Variants in ITFG1 observed in about 807,000 individuals in gnomAD.
The protein encoded by ITFG1 is T-cell immunomodulatory protein.
In ITFG1, 34 loss-of-function variants were observed where a neutral mutation model predicts 81.8. The ratio of observed to expected loss-of-function variants is 0.42; its 90% confidence interval spans 0.32 to 0.55. The LOEUF (loss-of-function observed/expected upper bound fraction) is 0.55, where lower values mean the gene tolerates loss of function less well. ITFG1 is among the 20% of genes least tolerant of loss of function. The pLI is 0.17. For synonymous variants in ITFG1, 285 were observed against 270.6 expected, an observed-to-expected ratio of 1.05 and a Z score of -0.52; for missense variants, 672 against 755.4, an observed-to-expected ratio of 0.89 and a Z score of 1.29.
intron 10 of ITFG1, among the ~76,000 whole-genome samples, chr16:47,287,256 CTTAAA>C (rs1483254911): frequency 6.6e-6 from 1 of 151,958 alleles, no homozygotes; most frequent in East Asian, 1.9e-4. Context: ...ATAATTTTTT[CTTAAA>C]TTAGAGGTGG....
intron 6 of ITFG1, among the ~76,000 whole-genome samples, chr16:47,387,725 G>A (rs1002736303): frequency 1.3e-5 from 2 of 152,064 alleles, no homozygotes; most frequent in Admixed American, 6.5e-5. Flanking sequence ...GCCAAATTTC[G>A]GAGGGAAGAC....
chr16:47,196,960 A>G (rs1596801366), intron 14 of ITFG1, among the ~76,000 whole-genome samples: 1 of 152,190 alleles, frequency 6.6e-6, no homozygotes, highest in East Asian at 1.9e-4. Context: ...AACAACAACA[A>G]CAAAATTTAG....
intron 8 of ITFG1, among the ~76,000 whole-genome samples, chr16:47,331,088 G>A (rs1567463202): frequency 6.6e-6 from 1 of 152,086 alleles, no homozygotes; most frequent in Non-Finnish European, 1.5e-5. Context: ...CCCATCAACG[G>A]TGGACTGGAT....
At chr16:47,460,673 G>A (rs745444291) in intron 1 of ITFG1, among the ~76,000 whole-genome samples, 165 bp downstream of exon 1, 11 of 152,180 alleles carry the variant, frequency 7.2e-5, no homozygotes, top group Non-Finnish European at 1.3e-4. Context: ...GGTTGGAAAG[G>A]GTGGTGCAAA....
intron 6 of ITFG1, among the ~76,000 whole-genome samples, chr16:47,411,317 C>T (rs1416124421): frequency 6.6e-6 from 1 of 152,140 alleles, no homozygotes; most frequent in East Asian, 1.9e-4. Context: ...AGTAGTCCTA[C>T]AACCACAACA....
intron 14 of ITFG1, among the ~76,000 whole-genome samples, chr16:47,201,226 T>C (rs1229724436): frequency 6.8e-6 from 1 of 147,092 alleles, no homozygotes; most frequent in African/African-American, 2.6e-5. Context: ...TTTTTTTTTT[T>C]GAGACGGAGT....
chr16:47,383,675 GTGGT>G (rs1232117078), intron 6 of ITFG1, among the ~76,000 whole-genome samples: 1 of 152,256 alleles, frequency 6.6e-6, no homozygotes. Context: ...GGAGGCCAAG[GTGGT>G]TGGATCACCT....
chr16:47,354,425 G>A (rs1329563955), intron 8 of ITFG1, among the ~76,000 whole-genome samples: 2 of 152,002 alleles, frequency 1.3e-5, no homozygotes, highest in Non-Finnish European at 2.9e-5. Flanking sequence ...AAGCCTTAAA[G>A]GTAAGACTTA....
chr16:47,190,206 A>C (rs1048152232), intron 14 of ITFG1, among the ~76,000 whole-genome samples: 1 of 151,950 alleles, frequency 6.6e-6, no homozygotes, highest in Non-Finnish European at 1.5e-5. Flanking sequence ...GCCTTTTTTT[A>C]GTAGGAAGAA....
intron 8 of ITFG1, among the ~76,000 whole-genome samples, chr16:47,365,409 C>A (rs1042096268): frequency 2.0e-5 from 3 of 152,040 alleles, no homozygotes; most frequent in African/African-American, 7.2e-5. Context: ...ATAAAAATGG[C>A]TTTTAGTATT....
At chr16:47,241,883 G>A (rs1019554824) in intron 12 of ITFG1, among the ~76,000 whole-genome samples, 1 of 151,956 alleles carries the variant, frequency 6.6e-6, no homozygotes, top group African/African-American at 2.4e-5. Flanking sequence ...GAACCTGGGA[G>A]GCGGAGCTTG....
chr16:47,194,412 G>C (rs886138549), intron 14 of ITFG1, among the ~76,000 whole-genome samples: 1 of 152,132 alleles, frequency 6.6e-6, no homozygotes, highest in Non-Finnish European at 1.5e-5. Context: ...CAGCAAACAA[G>C]GTCAAGGGTA....
At chr16:47,268,649 G>A (rs940367632) in intron 10 of ITFG1, among the ~76,000 whole-genome samples, 2 of 152,318 alleles carry the variant, frequency 1.3e-5, no homozygotes, top group East Asian at 1.9e-4. Context: ...GATTTGCACA[G>A]TTCAGTGTTC....
At chr16:47,425,012 C>A (rs577545724) in intron 6 of ITFG1, among the ~76,000 whole-genome samples, 1 of 152,138 alleles carries the variant, frequency 6.6e-6, no homozygotes, top group Non-Finnish European at 1.5e-5. Flanking sequence ...AGCTGTCCGC[C>A]GCCTTTTGTT....
chr16:47,185,559 C>A lies in ITFG1; in HGVS notation c.1454-22895G>T, dbSNP rs1390432705. 2.6e-5 allele frequency among the ~76,000 whole-genome samples: 4 copies of A among 152,196 alleles called. No individual in the cohort carries two copies. The East Asian group carries it at 7.7e-4, about 29-fold the overall frequency. On this transcript the variant is annotated intron_variant, in intron 14 of 17. Transcript: ENST00000320640. ...GCAGAAATAAAGATGTTCTTTGAAA[C>A]CAATGAGAACAAAGACACAACATAC...
chr16:47,230,849 C>T (rs1170948562), intron 13 of ITFG1, among the ~76,000 whole-genome samples: 2 of 152,158 alleles, frequency 1.3e-5, no homozygotes, highest in Admixed American at 1.3e-4. Context: ...CCCGGGTTCA[C>T]GCCATTCTCC....
At chr16:47,379,083 G>T (rs149829340) in intron 6 of ITFG1, among the ~76,000 whole-genome samples, 44 of 152,270 alleles carry the variant, frequency 2.9e-4, no homozygotes, top group African/African-American at 9.9e-4. Flanking sequence ...CCTTGCAGAA[G>T]GTTGCATCCC....
intron 12 of ITFG1, among the ~76,000 whole-genome samples, chr16:47,245,402 C>T (rs556678446): frequency 6.6e-5 from 10 of 150,742 alleles, no homozygotes; most frequent in Middle Eastern, 3.5e-3. Context: ...TTGTGTAATT[C>T]CCCCACACTT....
At chr16:47,284,349 A>G (rs1301604654) in intron 10 of ITFG1, among the ~76,000 whole-genome samples, 1 of 152,172 alleles carries the variant, frequency 6.6e-6, no homozygotes, top group Non-Finnish European at 1.5e-5. Context: ...AAGATATAAC[A>G]TATTTCTATA....
Sources: allele counts gnomAD v4.1 joint callset (sites outside exome capture counted in the v4.1 genomes callset), GRCh38; gene constraint gnomAD v4.1.1; transcripts MANE v1.5; gene names NCBI Gene and HGNC (gene_info 2026-07-23, HGNC 2026-07-21).